Variants in KCNH1 observed in about 807,000 individuals in gnomAD.
KCNH1 encodes the protein potassium voltage-gated channel subfamily H member 1, also known as voltage-gated delayed rectifier potassium channel KCNH1.
In KCNH1, 27 loss-of-function variants were observed where a neutral mutation model predicts 69.2. The observed-to-expected ratio is 0.39, with a 90% CI of 0.29 to 0.54. KCNH1 has a LOEUF of 0.54. KCNH1 is among the 20% of genes least tolerant of loss of function. The probability of loss-of-function intolerance (pLI) is 0.68; values close to 1 mark genes in which losing one functional copy is unlikely to be tolerated. For missense variants in KCNH1, 798 were observed against 1,261.6 expected (o/e 0.63, Z 5.57); for synonymous variants, 456 against 487.7 (o/e 0.93, Z 0.86).
intron 10 of KCNH1, among the ~76,000 whole-genome samples, chr1:210,772,015 A>T (rs1246810054): frequency 2.6e-5 from 4 of 152,154 alleles, no homozygotes; most frequent in Non-Finnish European, 5.9e-5. Flanking sequence ...TGATGTTCAT[A>T]CCCTTGGATT....
Position 210,765,920 on chromosome 1 carries a change from G to A in KCNH1, c.2112+9428C>T, listed in dbSNP as rs557573330. 2.1e-4 allele frequency among the ~76,000 whole-genome samples: 32 copies of A among 151,980 alleles called. 1 individual carries two copies. The Middle Eastern group carries it at 0.01, about 49-fold the overall frequency. ...CCAATAAAAATACAAAAAATTAGCC[G>A]GGCGTGGTGGCAGGCACCTGTAATC... On this transcript the variant is annotated intron_variant, in intron 10 of 10. Transcript: ENST00000271751.
At chr1:210,874,199 T>C (rs1686315420) in intron 7 of KCNH1, among the ~76,000 whole-genome samples, 1 of 152,234 alleles carries the variant, frequency 6.6e-6, no homozygotes, top group African/African-American at 2.4e-5. Context: ...CAAAGGGCAA[T>C]GCCCATGTGG....
chr1:210,898,083 T>C (rs571990366), intron 7 of KCNH1, among the ~76,000 whole-genome samples: 1 of 152,328 alleles, frequency 6.6e-6, no homozygotes, highest in South Asian at 2.1e-4. Flanking sequence ...TCCCTGTGGA[T>C]TGCATTATAT....
At chr1:211,058,538 T>C (rs1690358138) in intron 5 of KCNH1, among the ~76,000 whole-genome samples, 1 of 152,142 alleles carries the variant, frequency 6.6e-6, no homozygotes, top group Non-Finnish European at 1.5e-5. Flanking sequence ...GTCATCAACT[T>C]AAAATAATGG....
chr1:210,894,596 C>A (rs1268149096), intron 7 of KCNH1, among the ~76,000 whole-genome samples: 1 of 152,124 alleles, frequency 6.6e-6, no homozygotes, highest in African/African-American at 2.4e-5. Flanking sequence ...CTGAATATGT[C>A]CCTCAAAAGT....
rs913040076 is a variant in KCNH1, at chr1:210,688,438, T to C, written c.2113-4300A>G. On this transcript the variant is annotated intron_variant, in intron 10 of 10. Transcript: ENST00000271751. ...AACTTTGTGGCTATAGCCATCCCCC[T>C]GTTTGTGAAGCCAAAAGAAGTGATG... is the stretch of plus-strand genomic sequence containing the variant. Among the ~76,000 whole-genome samples, 5 of 152,320 alleles carry C rather than the reference T, an allele frequency of 3.3e-5. No homozygotes were observed. The East Asian group carries it at 7.7e-4, about 24-fold the overall frequency.
intron 7 of KCNH1, among the ~76,000 whole-genome samples, chr1:210,816,056 C>T (rs973417045): frequency 2.0e-5 from 3 of 152,164 alleles, no homozygotes; most frequent in African/African-American, 7.2e-5. Context: ...ACTCTGCAAG[C>T]GGCGAGCGAT....
intron 7 of KCNH1, among the ~76,000 whole-genome samples, chr1:210,809,935 T>C (rs1213670151): frequency 1.3e-5 from 2 of 152,152 alleles, no homozygotes; most frequent in Admixed American, 6.6e-5. Flanking sequence ...AGAAGGTCTG[T>C]TTAGTCAGTG....
chr1:210,797,087 G>A (rs964846834), intron 9 of KCNH1, among the ~76,000 whole-genome samples: 6 of 149,456 alleles, frequency 4.0e-5, no homozygotes, highest in South Asian at 2.1e-4. Flanking sequence ...CCTCTGAAAG[G>A]ATTTGACACA....
rs533081175 is a variant in KCNH1 at position 210,697,935 on chromosome 1, T to C, written c.2113-13797A>G. Reference sequence around the variant, plus strand: ...GCAAAATTAGGGGACTTGTGGTGCATATCAAGCAATTGTATCATTTCTACA... The same window carrying C: ...GCAAAATTAGGGGACTTGTGGTGCACATCAAGCAATTGTATCATTTCTACA... On this transcript the variant is annotated intron_variant, in intron 10 of 10. Coordinates refer to ENST00000271751, the MANE Select transcript of KCNH1 (RefSeq NM_172362.3). Among the ~76,000 whole-genome samples the C allele has an allele frequency of 2.0e-5, 3 of 152,372 alleles. No homozygotes were observed. In the South Asian group the frequency reaches 6.2e-4, roughly 32 times the overall value.
intron 6 of KCNH1, among the ~76,000 whole-genome samples, chr1:210,978,937 C>A (rs1280190690): frequency 1.3e-5 from 2 of 152,164 alleles, no homozygotes; most frequent in African/African-American, 2.4e-5. Flanking sequence ...ATTCAAACAG[C>A]CTCAAAGTTG....
intron 6 of KCNH1, among the ~76,000 whole-genome samples, chr1:211,011,875 G>C (rs1689402144): frequency 6.6e-6 from 1 of 152,220 alleles, no homozygotes; most frequent in South Asian, 2.1e-4. Flanking sequence ...CAAGTCAGGA[G>C]AAAGACTGAT....
At chr1:210,745,334 G>A (rs759566499) in intron 10 of KCNH1, among the ~76,000 whole-genome samples, 21 of 152,258 alleles carry the variant, frequency 1.4e-4, no homozygotes, top group Non-Finnish European at 2.4e-4. Flanking sequence ...TGGTTTATGG[G>A]TGCCTTCCAT....
At position 210,986,690 on chromosome 1, in the gene KCNH1, G is replaced by A. The variant is rs369827732; in HGVS notation, c.1032+32093C>T. On this transcript the variant is annotated intron_variant, in intron 6 of 10. Coordinates refer to ENST00000271751, the MANE Select transcript of KCNH1 (RefSeq NM_172362.3). ...ATGGGTTTCCCTTTGTGGGTAACCCGACCATTCTCTCTGGCTGCCCTTAAC... is the reference window on the plus strand; with the variant it reads ...ATGGGTTTCCCTTTGTGGGTAACCCAACCATTCTCTCTGGCTGCCCTTAAC... Among the ~76,000 whole-genome samples the A allele has an allele frequency of 5.0e-4, 76 of 152,266 alleles. No homozygotes were observed. The South Asian group carries it at 0.015, about 29-fold the overall frequency.
intron 10 of KCNH1, among the ~76,000 whole-genome samples, chr1:210,689,868 C>T (rs562328049): frequency 6.6e-5 from 10 of 152,350 alleles, no homozygotes; most frequent in Non-Finnish European, 7.3e-5. Context: ...CAGCAAACTC[C>T]CAGGTGATTC....
At chr1:211,042,699 A>C (rs1690019102) in intron 5 of KCNH1, among the ~76,000 whole-genome samples, 1 of 152,212 alleles carries the variant, frequency 6.6e-6, no homozygotes. Flanking sequence ...ACTTTCTCCA[A>C]GATAGACCAT....
chr1:210,779,933 C>T (rs1241455108), intron 9 of KCNH1, among the ~76,000 whole-genome samples: 1 of 152,160 alleles, frequency 6.6e-6, no homozygotes, highest in Non-Finnish European at 1.5e-5. Context: ...GGAAGTGGGA[C>T]ACAGGGCTGA....
intron 2 of KCNH1, among the ~76,000 whole-genome samples, chr1:211,106,385 C>T (rs1056414182): frequency 2.0e-5 from 3 of 152,210 alleles, no homozygotes; most frequent in African/African-American, 7.2e-5. Context: ...AATATACCAG[C>T]TTCACTGTCA....
intron 9 of KCNH1, among the ~76,000 whole-genome samples, chr1:210,784,579 G>T (rs1311686105): frequency 6.6e-6 from 1 of 152,126 alleles, no homozygotes; most frequent in African/African-American, 2.4e-5. Context: ...GTGCTGAGGG[G>T]GCCTTGGCTG....
Sources: gnomAD v4.1 joint callset for allele counts (sites outside exome capture counted in the v4.1 genomes callset) on GRCh38, gnomAD v4.1.1 for gene constraint, MANE v1.5 for transcripts, NCBI Gene and HGNC (gene_info 2026-07-23, HGNC 2026-07-21) for gene names.